Variants in SLC35G2 observed in about 807,000 individuals in gnomAD.
SLC35G2 encodes solute carrier family 35 member G2.
In SLC35G2, 20 loss-of-function variants were observed where a neutral mutation model predicts 27.2. The ratio of observed to expected loss-of-function variants is 0.74; its 90% CI spans 0.52 to 1.07. The LOEUF (loss-of-function observed/expected upper bound fraction) is 1.07. Among genes scored for constraint, SLC35G2 ranks in the 50% least tolerant of loss-of-function variants. The pLI is 0.00. For missense variants in SLC35G2, 416 were observed against 493.3 expected, an observed-to-expected ratio of 0.84 and a Z score of 1.48; for synonymous variants, 148 against 165.3, an observed-to-expected ratio of 0.90 and a Z score of 0.80.
At chr3:136,848,761 T>C (rs989089469) in intron 1 of SLC35G2, among the ~76,000 whole-genome samples, 1 of 152,162 alleles carries the variant, frequency 6.6e-6, no homozygotes, top group Non-Finnish European at 1.5e-5. Context: ...ATGGAAATAA[T>C]AGACCCTGGA....
At chr3:136,840,827 T>A (rs183509339) in intron 1 of SLC35G2, among the ~76,000 whole-genome samples, 315 of 152,072 alleles carry the variant, frequency 2.1e-3, no homozygotes, top group African/African-American at 4.8e-3. Flanking sequence ...TTCACCATGT[T>A]GGTCAGGCTG....
At chr3:136,836,751 C>G (rs1180573802) in intron 1 of SLC35G2, among the ~76,000 whole-genome samples, 1 of 152,124 alleles carries the variant, frequency 6.6e-6, no homozygotes, top group Non-Finnish European at 1.5e-5. Flanking sequence ...GCCAGCACCA[C>G]CAGTGCTATA....
intron 1 of SLC35G2, among the ~76,000 whole-genome samples, chr3:136,826,885 C>T (rs1006790511): frequency 6.6e-6 from 1 of 152,050 alleles, no homozygotes; most frequent in Non-Finnish European, 1.5e-5. Context: ...GTGCCTGCCT[C>T]ACCCTCCCAA....
intron 1 of SLC35G2, among the ~76,000 whole-genome samples, chr3:136,829,687 A>G (rs1936675043): frequency 7.4e-6 from 1 of 134,670 alleles, no homozygotes; most frequent in Non-Finnish European, 1.6e-5. Flanking sequence ...CACCAGCTAT[A>G]CTACTCTAGG....
intron 1 of SLC35G2, among the ~76,000 whole-genome samples, chr3:136,824,947 C>T (rs1431254604): frequency 6.6e-6 from 1 of 152,154 alleles, no homozygotes; most frequent in Non-Finnish European, 1.5e-5. Flanking sequence ...GTTCCTCACC[C>T]TGTGTCCATG....
Position 136,854,815 on chromosome 3 carries a change from G to GCCAAACAAGC in SLC35G2, c.356_357insCAAACAAGCC (p.Leu120LysfsTer7). On this transcript the variant is annotated frameshift_variant, in exon 2 of 2. Transcript: ENST00000446465. LOFTEE classifies it high-confidence loss of function. Reference sequence around the variant, plus strand: ...ATCTGCTTTGGCTCATGGATGTGTAGCTCTTATCACTAGGCTTGTTTCTGA... The same window carrying GCCAAACAAGC: ...ATCTGCTTTGGCTCATGGATGTGTAGCCAAACAAGCCTCTTATCACTAGGCTTGTTTCTGA... 1 of 1,614,162 alleles carries GCCAAACAAGC rather than the reference G, an allele frequency of 6.2e-7. No individual in the cohort carries two copies. The highest frequency in any genetic ancestry group is 8.5e-7 in the Non-Finnish European group (1 of 1,180,026).
chr3:136,832,159 G>T (rs1936745733), intron 1 of SLC35G2, among the ~76,000 whole-genome samples: 1 of 151,952 alleles, frequency 6.6e-6, no homozygotes, highest in African/African-American at 2.4e-5. Flanking sequence ...GACTACAAGT[G>T]CCCGCCACCA....
At chr3:136,830,538 C>G (rs1261617966) in intron 1 of SLC35G2, among the ~76,000 whole-genome samples, 1 of 152,168 alleles carries the variant, frequency 6.6e-6, no homozygotes, top group African/African-American at 2.4e-5. Context: ...CTGCCTTGGC[C>G]TCCCAAAGTG....
At chr3:136,850,073 C>T (rs1170689278) in intron 1 of SLC35G2, among the ~76,000 whole-genome samples, 1 of 152,180 alleles carries the variant, frequency 6.6e-6, no homozygotes, top group East Asian at 1.9e-4. Context: ...TGCCACTGCA[C>T]TCCAGCCTGG....
At chr3:136,830,195 G>A (rs568283483) in intron 1 of SLC35G2, among the ~76,000 whole-genome samples, 216 of 139,048 alleles carry the variant, frequency 1.6e-3, no homozygotes, top group African/African-American at 5.5e-3. Flanking sequence ...TGCAATCTCC[G>A]CCTCCCAGGT....
chr3:136,848,178 C>T (rs1339955557), intron 1 of SLC35G2, among the ~76,000 whole-genome samples: 1 of 152,070 alleles, frequency 6.6e-6, no homozygotes, highest in Admixed American at 6.6e-5. Flanking sequence ...TCAGGCCTAC[C>T]CAGGATAAAG....
intron 1 of SLC35G2, among the ~76,000 whole-genome samples, chr3:136,831,620 A>G (rs1263410493): frequency 1.3e-5 from 2 of 152,180 alleles, no homozygotes; most frequent in Non-Finnish European, 2.9e-5. Flanking sequence ...GTCACCAGGA[A>G]AGTTGAAGGC....
intron 1 of SLC35G2, among the ~76,000 whole-genome samples, chr3:136,833,893 C>T (rs1310542788): frequency 6.6e-6 from 1 of 151,826 alleles, no homozygotes; most frequent in Non-Finnish European, 1.5e-5. Context: ...GTCTTTAATT[C>T]TATGTATTGT....
intron 1 of SLC35G2, among the ~76,000 whole-genome samples, chr3:136,821,044 G>T (rs1156253084): frequency 6.6e-6 from 1 of 152,008 alleles, no homozygotes; most frequent in Non-Finnish European, 1.5e-5. Context: ...AAATATATTG[G>T]TGGTATGTGG....
chr3:136,850,523 T>TA lies in SLC35G2; in HGVS notation c.-18-3918dup, dbSNP rs1421241003. 6.6e-5 allele frequency among the ~76,000 whole-genome samples: 10 copies of TA among 152,322 alleles called. 1 individual carries two copies. In the South Asian group the frequency reaches 2.1e-3, roughly 32 times the overall value. ...GCCAAATAATATTTTAAAAAATGTA[T>TA]AAGCCAAGCTGGTTTCTATCCTTTC... On this transcript the variant is annotated intron_variant, in intron 1 of 1. Coordinates refer to ENST00000446465, the MANE Select transcript of SLC35G2 (RefSeq NM_025246.3).
chr3:136,838,067 TCTCCTGAG>T (rs1371592655), intron 1 of SLC35G2: 1 of 151,796 alleles, frequency 6.6e-6, no homozygotes, highest in Admixed American at 6.6e-5. Flanking sequence ...TGGTCTCAAA[TCTCCTGAG>T]CTCAAAGTGA....
intron 1 of SLC35G2, among the ~76,000 whole-genome samples, chr3:136,826,984 T>TTTC (rs1936602967): frequency 6.6e-6 from 1 of 151,508 alleles, no homozygotes; most frequent in Non-Finnish European, 1.5e-5. Flanking sequence ...TTTTTTTTTT[T>TTTC]TTAGTATTTA....
intron 1 of SLC35G2, among the ~76,000 whole-genome samples, chr3:136,840,639 C>G (rs1355477878): frequency 6.9e-6 from 1 of 145,628 alleles, no homozygotes; most frequent in Non-Finnish European, 1.5e-5. Flanking sequence ...CTTTTCTTTT[C>G]TTTTGACAGA....
intron 1 of SLC35G2, among the ~76,000 whole-genome samples, chr3:136,823,672 T>G (rs999545705): frequency 1.3e-5 from 2 of 152,108 alleles, no homozygotes; most frequent in Non-Finnish European, 2.9e-5. Flanking sequence ...CTCTGCTCAC[T>G]GCAACCGCCG....
Sources: gnomAD v4.1 joint callset for allele counts (sites outside exome capture counted in the v4.1 genomes callset) on GRCh38, gnomAD v4.1.1 for gene constraint, MANE v1.5 for transcripts, NCBI Gene and HGNC (gene_info 2026-07-23, HGNC 2026-07-21) for gene names.